The following GRIA2 variants were observed in gnomAD, a reference collection of about 807,000 sequenced individuals.
GRIA2 encodes the protein glutamate receptor 2.
A neutral mutation model predicts 97.3 loss-of-function variants in GRIA2; 14 were observed. The ratio of observed to expected loss-of-function variants is 0.14; its 90% CI spans 0.10 to 0.23. The LOEUF (loss-of-function observed/expected upper bound fraction) is 0.23, where lower values mean the gene tolerates loss of function less well. GRIA2 is among the 10% of genes least tolerant of loss of function. The probability of loss-of-function intolerance (pLI) is 1.00; values close to 1 mark genes in which losing one functional copy is unlikely to be tolerated. For missense variants in GRIA2, 558 were observed against 1,069.8 expected, an observed-to-expected ratio of 0.52 and a Z score of 6.67; for synonymous variants, 412 against 387.8, an observed-to-expected ratio of 1.06 and a Z score of -0.73.
chr4:157,310,557 A>G (rs1009240591), intron 3 of GRIA2, among the ~76,000 whole-genome samples: 1 of 152,018 alleles, frequency 6.6e-6, no homozygotes, highest in African/African-American at 2.4e-5. Flanking sequence ...TTTAGAAACA[A>G]ATACCAGACA....
chr4:157,362,148 G>A (rs534041016), intron 14 of GRIA2, among the ~76,000 whole-genome samples: 1 of 152,174 alleles, frequency 6.6e-6, no homozygotes, highest in African/African-American at 2.4e-5. Flanking sequence ...GTACACTGAG[G>A]GGATGAATTT....
intron 2 of GRIA2, among the ~76,000 whole-genome samples, chr4:157,282,145 G>A (rs1011320997): frequency 2.6e-5 from 4 of 152,042 alleles, no homozygotes; most frequent in Non-Finnish European, 4.4e-5. Context: ...ATTCTTCTAA[G>A]CTTTACTAAT....
intron 4 of GRIA2, among the ~76,000 whole-genome samples, chr4:157,314,741 C>T (rs933875452): frequency 3.9e-5 from 6 of 152,140 alleles, no homozygotes; most frequent in African/African-American, 7.2e-5. Context: ...ATTACATAAA[C>T]GTCCATATGG....
intron 2 of GRIA2, among the ~76,000 whole-genome samples, chr4:157,262,605 C>A (rs542897483): frequency 6.6e-6 from 1 of 152,162 alleles, no homozygotes; most frequent in South Asian, 2.1e-4. Context: ...GCCTTGCCCC[C>A]AATTTCAACC....
chr4:157,238,068 G>T (rs1307651541), intron 2 of GRIA2, among the ~76,000 whole-genome samples: 1 of 152,074 alleles, frequency 6.6e-6, no homozygotes, highest in Non-Finnish European at 1.5e-5. Flanking sequence ...AGTTACTATG[G>T]CTTCATTAAC....
chr4:157,232,341 T>C (rs1730056982), intron 2 of GRIA2, among the ~76,000 whole-genome samples: 1 of 152,152 alleles, frequency 6.6e-6, no homozygotes, highest in Non-Finnish European at 1.5e-5. Flanking sequence ...TAAGGGTGTG[T>C]GTGCTTTGCT....
At position 157,361,185 on chromosome 4, in the gene GRIA2, T is replaced by C. The variant is rs1736616576; in HGVS notation, c.2406+61T>C. On this transcript the variant is annotated intron_variant, in intron 14 of 15. Transcript: ENST00000264426. The surrounding 1 kb of genome is among the most constrained non-coding windows in gnomAD (Gnocchi z 5.2). ...TGCAAAACAAAGTAAGCAGCAGCTA[T>C]GCACAGTGTGGGCACTCCGTGCCAC... 7.7e-7 allele frequency: 1 copy of C among 1,305,744 alleles called. No individual in the cohort carries two copies. Among genetic ancestry groups the C allele is most frequent in the Admixed American group, 1.7e-5 (1 of 57,868 alleles). The allele number at this position is 1,305,744 out of a possible 1,614,324, so 80.9% of individuals were successfully genotyped here. A position where few individuals can be genotyped will look rare whatever the true frequency, so the allele number is the denominator to read the frequency against.
intron 3 of GRIA2, 50 bp from the exon 4 acceptor site, chr4:157,312,629 T>G: frequency 2.9e-6 from 3 of 1,030,042 alleles, no homozygotes; most frequent in Non-Finnish European, 4.2e-6. Flanking sequence ...AACACAATCC[T>G]GAGTTATTCA....
chr4:157,283,812 G>A (rs1732717235), intron 2 of GRIA2, among the ~76,000 whole-genome samples: 1 of 151,700 alleles, frequency 6.6e-6, no homozygotes, highest in African/African-American at 2.4e-5. Context: ...AATCTTCATT[G>A]GTAAAATAGA....
chr4:157,220,419 G>A (rs1729430683), upstream of GRIA2: 1 of 152,174 alleles, frequency 6.6e-6, no homozygotes, highest in African/African-American at 2.4e-5. Flanking sequence ...AGGCCGAGGC[G>A]CGCGGTGGGC....
At chr4:157,233,834 C>T (rs1424262512) in intron 2 of GRIA2, among the ~76,000 whole-genome samples, 7 of 152,130 alleles carry the variant, frequency 4.6e-5, no homozygotes, top group Admixed American at 2.6e-4. Context: ...TCCTCACTGT[C>T]GCTCTGTAAA....
intron 2 of GRIA2, among the ~76,000 whole-genome samples, chr4:157,288,436 C>T (rs560489559): frequency 1.3e-5 from 2 of 151,594 alleles, no homozygotes; most frequent in South Asian, 4.2e-4. Flanking sequence ...ATTGGAACAT[C>T]GCTGTGGCAG....
chr4:157,344,192 T>G (rs1035549680), intron 12 of GRIA2, among the ~76,000 whole-genome samples: 2 of 152,142 alleles, frequency 1.3e-5, no homozygotes, highest in African/African-American at 2.4e-5. Context: ...TAATATTGTT[T>G]CCTTAAATCA....
At chr4:157,244,097 A>C (rs1274808910) in intron 2 of GRIA2, among the ~76,000 whole-genome samples, 1 of 151,844 alleles carries the variant, frequency 6.6e-6, no homozygotes, top group Non-Finnish European at 1.5e-5. Context: ...GAAGATGAGA[A>C]CCAGCTGGAC....
intron 2 of GRIA2, among the ~76,000 whole-genome samples, chr4:157,277,540 A>G (rs1279459871): frequency 6.6e-6 from 1 of 151,754 alleles, no homozygotes; most frequent in Non-Finnish European, 1.5e-5. Context: ...ATGTAATAAT[A>G]CAAGAAATGG....
At chr4:157,289,771 G>C (rs888985264) in intron 2 of GRIA2, among the ~76,000 whole-genome samples, 61 of 151,730 alleles carry the variant, frequency 4.0e-4, no homozygotes, top group Middle Eastern at 3.4e-3. Context: ...CACTCTACAA[G>C]TTTATATATT....
chr4:157,237,083 C>T (rs571786129), intron 2 of GRIA2, among the ~76,000 whole-genome samples: 1 of 151,990 alleles, frequency 6.6e-6, no homozygotes, highest in Non-Finnish European at 1.5e-5. Context: ...ACATTTCCCA[C>T]CGTAGTTTAT....
chr4:157,344,366 T>G (rs1215079161), intron 12 of GRIA2, among the ~76,000 whole-genome samples: 1 of 152,068 alleles, frequency 6.6e-6, no homozygotes, highest in Non-Finnish European at 1.5e-5. Context: ...TAAGGAATTT[T>G]GGGGCTTCTG....
In GRIA2 at chr4:157,364,386, C is replaced by T. The variant is rs1736784623; in HGVS notation, c.*955C>T. 6.6e-6 allele frequency: 1 copy of T among 152,234 alleles called. No individual in the cohort carries two copies. The highest frequency in any genetic ancestry group is 1.5e-5 in the Non-Finnish European group (1 of 67,916). The allele number at this position is 152,234 out of a possible 1,614,324, so 9.4% of individuals were successfully genotyped here. On this transcript the variant is annotated 3_prime_UTR_variant, in exon 16 of 16. Coordinates refer to ENST00000264426, the MANE Select transcript of GRIA2 (RefSeq NM_001083619.3). ...GTTGTTAGGTGCCCAGAGAAAATTT[C>T]TCCCTTTTAAAAAGGCCAGGTGATT...
Sources: gnomAD v4.1 joint callset for allele counts (sites outside exome capture counted in the v4.1 genomes callset) on GRCh38, gnomAD v4.1.1 for gene constraint, Gnocchi (gnomAD v3.1) non-coding constraint, MANE v1.5 for transcripts, NCBI Gene and HGNC (gene_info 2026-07-23, HGNC 2026-07-21) for gene names.